TMEM232: variants seen among roughly 807,000 people sequenced by gnomAD.
The protein encoded by TMEM232 is transmembrane protein 232.
A neutral mutation model predicts 78.8 loss-of-function variants in TMEM232; 80 were observed. The observed-to-expected ratio is 1.01, with a 90% CI of 0.85 to 1.22. The LOEUF (loss-of-function observed/expected upper bound fraction) is 1.22. Ranked by LOEUF, TMEM232 falls within the 50% of genes most tolerant of loss-of-function variation. The pLI is 0.00. For synonymous variants in TMEM232, 297 were observed against 254.3 expected (o/e 1.17, Z -1.60); for missense variants, 881 against 742.2 (o/e 1.19, Z -2.17).
intron 13 of TMEM232, among the ~76,000 whole-genome samples, 177 bp downstream of exon 13, chr5:110,424,646 A>G (rs1005002661): frequency 4.0e-5 from 6 of 150,806 alleles, no homozygotes; most frequent in Admixed American, 1.3e-4. Flanking sequence ...CTGCAACCCA[A>G]TGAAGACACT....
At chr5:110,601,140 A>G (rs1780832741) in intron 10 of TMEM232, among the ~76,000 whole-genome samples, 2 of 152,198 alleles carry the variant, frequency 1.3e-5, no homozygotes, top group African/African-American at 4.8e-5. Context: ...TAAACTGGGT[A>G]TTGATGAACA....
At chr5:110,656,469 G>A (rs1416072333) in intron 2 of TMEM232, among the ~76,000 whole-genome samples, 1 of 152,098 alleles carries the variant, frequency 6.6e-6, no homozygotes, top group Non-Finnish European at 1.5e-5. Context: ...ATCCTAGACT[G>A]AGATATCAAA....
chr5:110,713,706 G>C (rs1289220781), intron 1 of TMEM232, among the ~76,000 whole-genome samples: 1 of 152,010 alleles, frequency 6.6e-6, no homozygotes, highest in East Asian at 1.9e-4. Context: ...AAGACCACGA[G>C]ATCTATGGAG....
intron 12 of TMEM232, chr5:110,430,030 T>G (rs1757653656): frequency 1.3e-5 from 2 of 151,676 alleles, no homozygotes; most frequent in Non-Finnish European, 3.0e-5. Flanking sequence ...CTTGATTTCT[T>G]TTAGAAGAGA....
intron 10 of TMEM232, among the ~76,000 whole-genome samples, chr5:110,587,691 A>ATATGTGTGTG (rs1209205049): frequency 9.5e-5 from 6 of 63,126 alleles, no homozygotes; most frequent in Non-Finnish European, 1.4e-4. Flanking sequence ...ATATATATAT[A>ATATGTGTGTG]TGTGTGTGTG....
At chr5:110,643,841 G>A (rs557409623) in intron 2 of TMEM232, among the ~76,000 whole-genome samples, 1 of 151,918 alleles carries the variant, frequency 6.6e-6, no homozygotes, top group Admixed American at 6.6e-5. Flanking sequence ...GTAATGATAA[G>A]GTGTTCTGTA....
chr5:110,621,449 T>C (rs1047002858), intron 7 of TMEM232, among the ~76,000 whole-genome samples: 2 of 152,256 alleles, frequency 1.3e-5, no homozygotes, highest in East Asian at 3.9e-4. Flanking sequence ...TCATAACAAT[T>C]TGAAAAATAA....
At chr5:110,623,347 A>G (rs1473062019) in intron 7 of TMEM232, among the ~76,000 whole-genome samples, 1 of 152,198 alleles carries the variant, frequency 6.6e-6, no homozygotes, top group Non-Finnish European at 1.5e-5. Context: ...GCATATAGGA[A>G]CACTAAAAAT....
chr5:110,526,382 T>TA (rs5870414), intron 12 of TMEM232, among the ~76,000 whole-genome samples: 5,900 of 151,354 alleles, frequency 0.039, 341 homozygotes, highest in East Asian at 0.26. Flanking sequence ...AAAAATCCAG[T>TA]AAAAAATGGG....
intron 1 of TMEM232, among the ~76,000 whole-genome samples, chr5:110,716,532 C>T (rs772584895): frequency 2.0e-5 from 3 of 152,130 alleles, no homozygotes; most frequent in African/African-American, 7.2e-5. Flanking sequence ...CTTGCATGCA[C>T]AGTTCACAAT....
intron 11 of TMEM232, among the ~76,000 whole-genome samples, chr5:110,567,979 A>G (rs1361555208): frequency 6.6e-6 from 1 of 152,014 alleles, no homozygotes; most frequent in Non-Finnish European, 1.5e-5. Context: ...GCCCCTATGC[A>G]GCTCCTTCAC....
At chr5:110,413,885 A>G (rs1234364477) in intron 2 of TMEM232, among the ~76,000 whole-genome samples, 1 of 152,244 alleles carries the variant, frequency 6.6e-6, no homozygotes, top group Non-Finnish European at 1.5e-5. Context: ...TTGTCAAGCC[A>G]ACAAGTAAAT....
At chr5:110,425,378 A>C (rs1757120229) in intron 12 of TMEM232, among the ~76,000 whole-genome samples, 1 of 152,044 alleles carries the variant, frequency 6.6e-6, no homozygotes, top group South Asian at 2.1e-4. Context: ...TTATCCACAT[A>C]ATTATTGTAT....
intron 1 of TMEM232, among the ~76,000 whole-genome samples, chr5:110,721,728 C>T (rs577289755): frequency 2.5e-4 from 25 of 99,872 alleles, no homozygotes; most frequent in African/African-American, 8.3e-4. Flanking sequence ...GTGCGTCTGC[C>T]TCCCTAGACT....
At chr5:110,399,120 A>G (rs1412208843) in intron 2 of TMEM232, among the ~76,000 whole-genome samples, 2 of 152,020 alleles carry the variant, frequency 1.3e-5, no homozygotes, top group Non-Finnish European at 2.9e-5. Flanking sequence ...TGAATGACAC[A>G]CCATCTAAAC....
chr5:110,708,958 A>C (rs1273371385), intron 1 of TMEM232, among the ~76,000 whole-genome samples: 2 of 152,128 alleles, frequency 1.3e-5, no homozygotes, highest in Non-Finnish European at 2.9e-5. Flanking sequence ...TGAAAAAACA[A>C]GACCTAATGA....
intron 10 of TMEM232, among the ~76,000 whole-genome samples, chr5:110,594,642 G>A (rs543347961): frequency 9.9e-5 from 15 of 152,266 alleles, no homozygotes; most frequent in South Asian, 6.2e-4. Flanking sequence ...CGTCATTACT[G>A]CAACTCCAGT....
chr5:110,581,593 T>G (rs1778216537), intron 10 of TMEM232, among the ~76,000 whole-genome samples: 1 of 151,756 alleles, frequency 6.6e-6, no homozygotes, highest in Non-Finnish European at 1.5e-5. Flanking sequence ...ATGCCATTCT[T>G]GACACAGGCT....
At chr5:110,553,351 T>G (rs908622412) in intron 11 of TMEM232, among the ~76,000 whole-genome samples, 1 of 152,306 alleles carries the variant, frequency 6.6e-6, no homozygotes, top group Admixed American at 6.5e-5. Flanking sequence ...ATTGATTCAT[T>G]GTATCCATGA....
Sources: gnomAD v4.1 joint callset for allele counts (sites outside exome capture counted in the v4.1 genomes callset) on GRCh38, gnomAD v4.1.1 for gene constraint, MANE v1.5 for transcripts, NCBI Gene and HGNC (gene_info 2026-07-23, HGNC 2026-07-21) for gene names.